Variants in SLC16A12 observed in about 807,000 individuals in gnomAD.
SLC16A12 encodes monocarboxylate transporter 12.
A neutral mutation model predicts 42.4 loss-of-function variants in SLC16A12; 17 were observed. That is an observed-to-expected ratio of 0.40 (90% CI 0.27 to 0.60). SLC16A12 has a LOEUF of 0.60. Among genes scored for constraint, SLC16A12 ranks in the 20% least tolerant of loss-of-function variants. The pLI is 0.42. For synonymous variants in SLC16A12, 224 were observed against 229.4 expected (o/e 0.98, Z 0.21); for missense variants, 544 against 623.0 (o/e 0.87, Z 1.35).
rs570324643 is a variant in SLC16A12 at position 89,529,289 on chromosome 10, T to C, written c.-47+5212A>G. Among the ~76,000 whole-genome samples the C allele has an allele frequency of 2.0e-5, 3 of 152,246 alleles. No individual in the cohort carries two copies. The South Asian group carries it at 6.2e-4, about 32-fold the overall frequency. On this transcript the variant is annotated intron_variant, in intron 2 of 7. Coordinates refer to ENST00000371790, the MANE Select transcript of SLC16A12 (RefSeq NM_213606.4). ...CATCAAGCAAAGTGGAATCCCAAAATAAGTAATTATGGCCCTAATTTATAA... is the reference window on the plus strand; with the variant it reads ...CATCAAGCAAAGTGGAATCCCAAAACAAGTAATTATGGCCCTAATTTATAA...
At chr10:89,479,503 G>A (rs919584487) in intron 2 of SLC16A12, among the ~76,000 whole-genome samples, 1 of 152,148 alleles carries the variant, frequency 6.6e-6, no homozygotes, top group African/African-American at 2.4e-5. Context: ...CCTAAGCCTC[G>A]TGCCTTAACT....
At chr10:89,547,965 G>GGA (rs1843750456) in intron 2 of SLC16A12, among the ~76,000 whole-genome samples, 1 of 81,594 alleles carries the variant, frequency 1.2e-5, no homozygotes, top group Admixed American at 1.4e-4. Flanking sequence ...TCCAGCCTGG[G>GGA]CAAAAAAAAA....
At chr10:89,483,925 GGCATCCAAAT>G (rs1179437627) in intron 2 of SLC16A12, among the ~76,000 whole-genome samples, 1 of 152,062 alleles carries the variant, frequency 6.6e-6, no homozygotes, top group Non-Finnish European at 1.5e-5. Context: ...ATAGTCTTTT[GGCATCCAAAT>G]GCTGAGTTCA....
At chr10:89,492,680 A>G (rs1011234080) in intron 2 of SLC16A12, among the ~76,000 whole-genome samples, 2 of 152,028 alleles carry the variant, frequency 1.3e-5, no homozygotes, top group African/African-American at 4.8e-5. Flanking sequence ...GTCATAATTA[A>G]GTATTCATAA....
chr10:89,435,620 T>A (rs1382958575), intron 7 of SLC16A12, among the ~76,000 whole-genome samples: 1 of 152,210 alleles, frequency 6.6e-6, no homozygotes, highest in Non-Finnish European at 1.5e-5. Context: ...CTCTGAAGAA[T>A]AGAGCCCAGT....
chr10:89,452,392 C>G (rs1323405405), intron 3 of SLC16A12, among the ~76,000 whole-genome samples: 1 of 152,128 alleles, frequency 6.6e-6, no homozygotes, highest in African/African-American at 2.4e-5. Flanking sequence ...GCATTTAAAG[C>G]TGACATTGCA....
In SLC16A12 at chr10:89,550,284, G is replaced by A. The variant is rs150578678; in HGVS notation, c.-47+5598C>T. Among the ~76,000 whole-genome samples the A allele has an allele frequency of 1.0e-3, 153 of 152,210 alleles. 1 individual carries two copies. The highest frequency in any genetic ancestry group is 3.5e-3 in the African/African-American group (144 of 41,542). On this transcript the variant is annotated intron_variant, in intron 2 of 2. Coordinates refer to the SLC16A12 transcript ENST00000475682. The stretch of plus-strand genomic sequence containing the variant: ...ACCTGTAATCTCAGCACTTTGCGGG[G>A]CCGAGGCAGGAGGATCAAGAGGTCA...
intron 2 of SLC16A12, among the ~76,000 whole-genome samples, chr10:89,465,387 G>T (rs541052315): frequency 6.6e-6 from 1 of 152,298 alleles, no homozygotes; most frequent in South Asian, 2.1e-4. Flanking sequence ...GCCTGACGTA[G>T]CTATAAATGC....
At chr10:89,535,694 C>CCA (rs1843646747), upstream of SLC16A12, 1 of 152,150 alleles carries the variant, frequency 6.6e-6, no homozygotes, top group Admixed American at 6.6e-5. Context: ...CTCGCCGGGA[C>CCA]CACTGCAGCC....
chr10:89,545,263 A>G (rs1269580022), intron 2 of SLC16A12, among the ~76,000 whole-genome samples: 1 of 152,224 alleles, frequency 6.6e-6, no homozygotes, highest in Non-Finnish European at 1.5e-5. Context: ...GTTTATCATC[A>G]TAGCCACTGA....
upstream of SLC16A12, among the ~76,000 whole-genome samples, chr10:89,536,838 A>G (rs1843669488): frequency 6.6e-6 from 1 of 151,990 alleles, no homozygotes; most frequent in Non-Finnish European, 1.5e-5. Context: ...TTTTGGAATT[A>G]TTATTATTAT....
rs75616658 is a variant in SLC16A12, at chr10:89,453,647, G to C, written c.200+8732C>G. Among the ~76,000 whole-genome samples the C allele has an allele frequency of 2.0e-3, 297 of 152,244 alleles. 3 individuals are homozygous for C. Among genetic ancestry groups the C allele is most frequent in the Middle Eastern group, 6.8e-3 (2 of 294 alleles). On this transcript the variant is annotated intron_variant, in intron 3 of 7. Transcript: ENST00000371790. ...GGTGTGCAGTACGCGCTACTTTCTA[G>C]GCTTGTGTGAGTACACTCTATGATG...
intron 2 of SLC16A12, among the ~76,000 whole-genome samples, chr10:89,497,988 A>C (rs1842945643): frequency 6.6e-6 from 1 of 152,146 alleles, no homozygotes; most frequent in East Asian, 1.9e-4. Flanking sequence ...AACAAGAAAC[A>C]ATTCTTATCT....
At chr10:89,497,758 G>T (rs1248971519) in intron 2 of SLC16A12, among the ~76,000 whole-genome samples, 3 of 151,382 alleles carry the variant, frequency 2.0e-5, no homozygotes, top group Non-Finnish European at 2.9e-5. Flanking sequence ...AACCCAACAT[G>T]ATTTCATTAA....
chr10:89,436,224 A>G lies in SLC16A12; in HGVS notation c.1124T>C (p.Leu375Pro), dbSNP rs540378548. ...AAAGGTACAAGAGAAAGGCACGAGC[A>G]GAGGGAGACTTTGAAGCATTGGGAG... ...LCLPMLQSLPLLVPFSCTFGY... is the reference protein window; with the variant it reads ...LCLPMLQSLPPLVPFSCTFGY... Residue 375 changes from leucine to proline, a missense_variant, in exon 7 of 8, where the codon CTG becomes CCG. By Grantham distance (98) the Leu-to-Pro change is moderately conservative. Coordinates refer to ENST00000371790, the MANE Select transcript of SLC16A12 (RefSeq NM_213606.4). 22 of 1,614,072 alleles carry G rather than the reference A, an allele frequency of 1.4e-5. No individual in the cohort carries two copies. The highest frequency in any genetic ancestry group is 2.5e-6 in the Non-Finnish European group (3 of 1,180,010).
Position 89,462,570 on chromosome 10 carries a change from T to C in SLC16A12, c.9A>G (p.Ser3=), listed in dbSNP as rs1047208678. MP[S]GSHWTANSSK... ...AAGAGTTTGCTGTCCAGTGACTTCC[T>C]GATGGCATTCAAGGTTGGCATAGAA... Residue 3 remains serine, a synonymous_variant, in exon 3 of 8, where the codon TCA becomes TCG. Transcript: ENST00000371790. 7.5e-6 allele frequency: 12 copies of C among 1,606,824 alleles called. No individual in the cohort carries two copies. Among genetic ancestry groups the C allele is most frequent in the Admixed American group, 3.4e-5 (2 of 59,348 alleles).
At chr10:89,533,088 T>C (rs1843584390) in intron 2 of SLC16A12, among the ~76,000 whole-genome samples, 1 of 152,182 alleles carries the variant, frequency 6.6e-6, no homozygotes, top group South Asian at 2.1e-4. Context: ...TGCAATTCAC[T>C]TACAGTAAAA....
intron 2 of SLC16A12, among the ~76,000 whole-genome samples, chr10:89,516,941 T>C (rs1416141687): frequency 3.3e-5 from 5 of 152,192 alleles, no homozygotes; most frequent in South Asian, 2.1e-4. Flanking sequence ...ATAAAAATAG[T>C]ACCAGGCATG....
At chr10:89,453,551 A>G (rs1251750282) in intron 3 of SLC16A12, among the ~76,000 whole-genome samples, 1 of 152,202 alleles carries the variant, frequency 6.6e-6, no homozygotes, top group African/African-American at 2.4e-5. Context: ...AATTGTCTAC[A>G]GTATTCAGTA....
Sources: gnomAD v4.1 joint callset for allele counts (sites outside exome capture counted in the v4.1 genomes callset) on GRCh38, gnomAD v4.1.1 for gene constraint, MANE v1.5 for transcripts, NCBI Gene and HGNC (gene_info 2026-07-23, HGNC 2026-07-21) for gene names.